Variants in WDR64 observed in about 807,000 individuals in gnomAD.
The protein encoded by WDR64 is WD repeat-containing protein 64.
In WDR64, 112 loss-of-function variants were observed where a neutral mutation model predicts 139.3. That is an observed-to-expected ratio of 0.80 (90% CI 0.69 to 0.94). WDR64 has a LOEUF of 0.94. Among genes scored for constraint, WDR64 ranks in the 40% least tolerant of loss-of-function variants. The pLI is 0.00. For missense variants in WDR64, 1,206 were observed against 1,293.1 expected (o/e 0.93, Z 1.03); for synonymous variants, 444 against 437.7 (o/e 1.01, Z -0.18).
At chr1:241,789,212 G>A (rs945782480) in intron 24 of WDR64, among the ~76,000 whole-genome samples, 21 of 152,108 alleles carry the variant, frequency 1.4e-4, no homozygotes, top group Admixed American at 1.0e-3. Context: ...CAGCTTTAGC[G>A]TAGGACACGT....
intron 10 of WDR64, among the ~76,000 whole-genome samples, chr1:241,736,268 T>C (rs1178708127): frequency 1.3e-5 from 2 of 152,172 alleles, no homozygotes; most frequent in Non-Finnish European, 2.9e-5. Context: ...TCTAGGGAGA[T>C]ATATATCTTG....
rs569314559 is a variant in WDR64, at chr1:241,656,855, A to G, written c.146-3675A>G. Among the ~76,000 whole-genome samples the G allele has an allele frequency of 6.8e-6, 1 of 147,696 alleles. No individual in the cohort carries two copies. Among genetic ancestry groups the G allele is most frequent in the Non-Finnish European group, 1.5e-5 (1 of 67,406 alleles). ...AGTTGTGACAGTCAAAAATGTCTCA[A>G]GTCTTTGCCAAATGTTGTGTGTGTG... On this transcript the variant is annotated intron_variant, in intron 1 of 27. Coordinates refer to ENST00000437684, the MANE Select transcript of WDR64 (RefSeq NM_001367482.1). The surrounding 1 kb of genome is among the most constrained non-coding windows in gnomAD (Gnocchi z 4.3).
chr1:241,697,645 T>C (rs1397248302), intron 8 of WDR64, among the ~76,000 whole-genome samples: 3 of 152,230 alleles, frequency 2.0e-5, no homozygotes, highest in Non-Finnish European at 2.9e-5. Context: ...TAACCCTTCC[T>C]TTGACCTACA....
chr1:241,656,878 G>GTA lies in WDR64; in HGVS notation c.146-3651_146-3650insAT, dbSNP rs1553359775. Among the ~76,000 whole-genome samples, 65 of 136,476 alleles carry GTA rather than the reference G, an allele frequency of 4.8e-4. 1 individual carries two copies. Among genetic ancestry groups the GTA allele is most frequent in the Non-Finnish European group, 7.5e-4 (47 of 62,912 alleles). The allele number at this position is 136,476 out of a possible 152,430, so 89.5% of individuals were successfully genotyped here. A position where few individuals can be genotyped will look rare whatever the true frequency, so the allele number is the denominator to read the frequency against. ...CAAGTCTTTGCCAAATGTTGTGTGT[G>GTA]TGTGTGTGTGTGTGTGTGTGTGTGT... On this transcript the variant is annotated intron_variant, in intron 1 of 27. Coordinates refer to ENST00000437684, the MANE Select transcript of WDR64 (RefSeq NM_001367482.1). This position sits in a 1 kb window ranked among gnomAD's most constrained non-coding sequence, Gnocchi z 4.3.
intron 14 of WDR64, among the ~76,000 whole-genome samples, chr1:241,750,987 G>A (rs900764217): frequency 6.6e-6 from 1 of 152,060 alleles, no homozygotes; most frequent in African/African-American, 2.4e-5. Context: ...ATTATTATTA[G>A]TGTATTACTA....
At chr1:241,737,212 G>C (rs916697757) in intron 10 of WDR64, among the ~76,000 whole-genome samples, 2 of 152,144 alleles carry the variant, frequency 1.3e-5, no homozygotes, top group African/African-American at 2.4e-5. Flanking sequence ...AAATTTCAAT[G>C]GTACAAGTTC....
intron 22 of WDR64, 93 bp from the exon 23 acceptor site, chr1:241,783,179 A>T: frequency 9.2e-7 from 1 of 1,085,054 alleles, no homozygotes; most frequent in Non-Finnish European, 1.4e-6. Flanking sequence ...TTCCACTCAT[A>T]AGCTTGGCTC....
chr1:241,689,401 T>C (rs1361393576), intron 8 of WDR64, among the ~76,000 whole-genome samples: 1 of 152,110 alleles, frequency 6.6e-6, no homozygotes, highest in East Asian at 1.9e-4. Flanking sequence ...CAGAAAGATA[T>C]ACTATGCTAA....
At chr1:241,732,234 T>C (rs1195954024) in intron 10 of WDR64, among the ~76,000 whole-genome samples, 2 of 152,136 alleles carry the variant, frequency 1.3e-5, no homozygotes, top group East Asian at 3.9e-4. Flanking sequence ...TTCTAAAGAT[T>C]TCTACTGGTA....
intron 23 of WDR64, among the ~76,000 whole-genome samples, chr1:241,787,090 C>T (rs1309219066): frequency 6.6e-6 from 1 of 151,918 alleles, no homozygotes; most frequent in Non-Finnish European, 1.5e-5. Flanking sequence ...CACGGTGGCT[C>T]ACACCTGTAA....
Position 241,656,666 on chromosome 1 carries a change from G to A in WDR64, c.146-3864G>A, listed in dbSNP as rs1665607076. 6.6e-6 allele frequency among the ~76,000 whole-genome samples: 1 copy of A among 151,942 alleles called. No individual in the cohort carries two copies. Among genetic ancestry groups the A allele is most frequent in the Admixed American group, 6.6e-5 (1 of 15,234 alleles). On this transcript the variant is annotated intron_variant, in intron 1 of 27. Coordinates refer to ENST00000437684, the MANE Select transcript of WDR64 (RefSeq NM_001367482.1). The surrounding 1 kb of genome is among the most constrained non-coding windows in gnomAD (Gnocchi z 4.3). ...AACCTGAGTGTCATTCTAGAACCAG[G>A]TATCTTAACCTTGGCACTACTGATG...
intron 8 of WDR64, among the ~76,000 whole-genome samples, chr1:241,706,546 A>G (rs181121218): frequency 2.0e-5 from 3 of 152,370 alleles, no homozygotes; most frequent in East Asian, 1.9e-4. Context: ...TCAAAAGCCT[A>G]AATACTGACT....
intron 20 of WDR64, 36 bp from the exon 21 acceptor site, chr1:241,775,069 A>G: frequency 1.3e-6 from 2 of 1,493,522 alleles, no homozygotes; most frequent in Non-Finnish European, 1.8e-6. Context: ...ACTTACTAGC[A>G]AAGAAAAAGT....
intron 5 of WDR64, 120 bp from the exon 6 acceptor site, chr1:241,679,365 C>A: frequency 1.3e-6 from 1 of 761,500 alleles, no homozygotes; most frequent in Non-Finnish European, 2.2e-6. Context: ...TACTGCAAGG[C>A]TTCTCTGTAA....
chr1:241,725,896 A>G (rs1475988120), intron 10 of WDR64, among the ~76,000 whole-genome samples: 1 of 151,896 alleles, frequency 6.6e-6, no homozygotes, highest in African/African-American at 2.4e-5. Flanking sequence ...GGCATGGTGC[A>G]ATGGGGCTCA....
At chr1:241,679,826 G>A in intron 6 of WDR64, among the ~76,000 whole-genome samples, 1 of 152,298 alleles carries the variant, frequency 6.6e-6, no homozygotes, top group African/African-American at 2.4e-5. Flanking sequence ...GTTTTTGAGA[G>A]AGGGGGTAAT....
Position 241,801,655 on chromosome 1 carries a change from C to A in WDR64, c.*440C>A. ...TTATTAAAAAGAAAAATGTACCAGTCAGATCTCTAGATGTTTGTCTTCTTC... is the reference window on the plus strand; with the variant it reads ...TTATTAAAAAGAAAAATGTACCAGTAAGATCTCTAGATGTTTGTCTTCTTC... On this transcript the variant is annotated 3_prime_UTR_variant, in exon 28 of 28. Coordinates refer to ENST00000437684, the MANE Select transcript of WDR64 (RefSeq NM_001367482.1). The A allele has an allele frequency of 2.5e-6, 1 of 398,880 alleles. No individual in the cohort carries two copies. The highest frequency in any genetic ancestry group is 1.3e-4 in the South Asian group (1 of 7,842). 24.7% of individuals were successfully genotyped at this position (398,880 alleles called of 1,614,324 possible). A position where few individuals can be genotyped will look rare whatever the true frequency, so the allele number is the denominator to read the frequency against.
intron 10 of WDR64, among the ~76,000 whole-genome samples, chr1:241,737,936 T>C (rs1480145132): frequency 6.6e-6 from 1 of 152,176 alleles, no homozygotes; most frequent in Non-Finnish European, 1.5e-5. Flanking sequence ...AGTAAGATGT[T>C]CCCATCGTCA....
At chr1:241,738,985 C>T (rs1041787263) in intron 11 of WDR64, among the ~76,000 whole-genome samples, 7 of 152,206 alleles carry the variant, frequency 4.6e-5, no homozygotes, top group Admixed American at 2.0e-4. Flanking sequence ...GCTGCACCAG[C>T]GTACCGAGTC....
Sources: allele counts gnomAD v4.1 joint callset (sites outside exome capture counted in the v4.1 genomes callset), GRCh38; gene constraint gnomAD v4.1.1; non-coding constraint Gnocchi (gnomAD v3.1); transcripts MANE v1.5; gene names NCBI Gene and HGNC (gene_info 2026-07-23, HGNC 2026-07-21).